SORCS3: variants seen among roughly 807,000 people sequenced by gnomAD.
The protein encoded by SORCS3 is sortilin related VPS10 domain containing receptor 3.
Under a neutral mutation model 146.3 loss-of-function variants are expected in SORCS3, and 57 were observed. That is an observed-to-expected ratio of 0.39 (90% CI 0.31 to 0.49). SORCS3 has a LOEUF of 0.49. Among genes scored for constraint, SORCS3 ranks in the 20% least tolerant of loss-of-function variants. The probability of loss-of-function intolerance (pLI) is 0.92; values close to 1 mark genes in which losing one functional copy is unlikely to be tolerated. For missense variants in SORCS3, 1,341 were observed against 1,575.5 expected, an observed-to-expected ratio of 0.85 and a Z score of 2.52; for synonymous variants, 653 against 618.5, an observed-to-expected ratio of 1.06 and a Z score of -0.83.
intron 25 of SORCS3, among the ~76,000 whole-genome samples, chr10:105,262,046 A>G (rs896803890): frequency 1.3e-5 from 2 of 152,162 alleles, no homozygotes; most frequent in African/African-American, 4.8e-5. Flanking sequence ...GGGTTTTATT[A>G]TCTAACTGCC....
At chr10:105,086,676 G>A (rs1377400231) in intron 5 of SORCS3, among the ~76,000 whole-genome samples, 2 of 152,192 alleles carry the variant, frequency 1.3e-5, no homozygotes, top group Non-Finnish European at 2.9e-5. Context: ...TCAGTATGGT[G>A]CCAATTCTCT....
chr10:104,721,144 A>G (rs1357980384), intron 1 of SORCS3, among the ~76,000 whole-genome samples: 2 of 152,046 alleles, frequency 1.3e-5, no homozygotes, highest in African/African-American at 2.4e-5. Context: ...ATCTTGAATT[A>G]ATTTTTGTAT....
At chr10:105,108,046 T>TTA (rs1564755811) in intron 7 of SORCS3, among the ~76,000 whole-genome samples, 1 of 151,446 alleles carries the variant, frequency 6.6e-6, no homozygotes, top group East Asian at 1.9e-4. Context: ...CTTTCTATCT[T>TTA]TTATCTATCT....
chr10:104,979,965 A>T (rs920251032), intron 4 of SORCS3, among the ~76,000 whole-genome samples: 1 of 152,204 alleles, frequency 6.6e-6, no homozygotes, highest in Non-Finnish European at 1.5e-5. Flanking sequence ...GAGGCAACAG[A>T]CTACTCATAC....
intron 5 of SORCS3, among the ~76,000 whole-genome samples, chr10:105,051,519 T>C (rs1227597438): frequency 6.6e-6 from 1 of 152,110 alleles, no homozygotes; most frequent in Non-Finnish European, 1.5e-5. Flanking sequence ...TCTTAAAGAC[T>C]CAGCTGCCAA....
At chr10:104,881,069 C>A (rs1462935971) in intron 2 of SORCS3, among the ~76,000 whole-genome samples, 1 of 152,160 alleles carries the variant, frequency 6.6e-6, no homozygotes, top group Non-Finnish European at 1.5e-5. Context: ...ATTTATGCAG[C>A]AAAGTATGAA....
chr10:105,228,933 A>C (rs1277539719), intron 20 of SORCS3, among the ~76,000 whole-genome samples: 2 of 152,170 alleles, frequency 1.3e-5, no homozygotes, highest in Non-Finnish European at 2.9e-5. Flanking sequence ...ATTTTGTTAA[A>C]TTGATTTTGT....
At chr10:104,984,511 G>A (rs919755367) in intron 4 of SORCS3, among the ~76,000 whole-genome samples, 1 of 152,022 alleles carries the variant, frequency 6.6e-6, no homozygotes, top group African/African-American at 2.4e-5. Context: ...CAGTTCAGAA[G>A]CTCTAGGCAT....
At chr10:104,711,960 A>G (rs532415291) in intron 1 of SORCS3, among the ~76,000 whole-genome samples, 2 of 152,304 alleles carry the variant, frequency 1.3e-5, no homozygotes, top group African/African-American at 2.4e-5. Flanking sequence ...CATATCTCTC[A>G]TGATGTTTCT....
At chr10:105,017,197 A>G (rs2055173461) in intron 4 of SORCS3, among the ~76,000 whole-genome samples, 1 of 151,672 alleles carries the variant, frequency 6.6e-6, no homozygotes, top group Non-Finnish European at 1.5e-5. Flanking sequence ...GCATGAAATG[A>G]TTATACAATT....
rs1307334133 is a variant in SORCS3, at chr10:105,224,179, C to CCACTATAGTAT, written c.2868+933_2868+943dup. Reference sequence around the variant, plus strand: ...ATAAATGTATAATGACATGAATCTACCACTATAGTATCAAAAAGAAGGGTT... The same window carrying CCACTATAGTAT: ...ATAAATGTATAATGACATGAATCTACCACTATAGTATCACTATAGTATCAAAAAGAAGGGTT... On this transcript the variant is annotated intron_variant, in intron 20 of 26. Coordinates refer to ENST00000369701, the MANE Select transcript of SORCS3 (RefSeq NM_014978.3). Among the ~76,000 whole-genome samples, 13 of 152,288 alleles carry CCACTATAGTAT rather than the reference C, an allele frequency of 8.5e-5. No individual in the cohort carries two copies. The East Asian group carries it at 1.9e-3, about 23-fold the overall frequency.
rs1269190764 is a variant in SORCS3, at chr10:104,737,402, C to A, written c.627+95448C>A. ...TAGTTTACAGTCCCACCAACAGTGT[C>A]AAAGTGTTCCTATTTCTCCACATCC... On this transcript the variant is annotated intron_variant, in intron 1 of 26. Transcript: ENST00000369701. Among the ~76,000 whole-genome samples the A allele has an allele frequency of 2.1e-3, 323 of 152,072 alleles. 2 individuals carry two copies. The highest frequency in any genetic ancestry group is 6.8e-3 in the African/African-American group (281 of 41,454).
chr10:105,069,489 G>T (rs1360521019), intron 5 of SORCS3, among the ~76,000 whole-genome samples: 1 of 152,160 alleles, frequency 6.6e-6, no homozygotes, highest in East Asian at 1.9e-4. Flanking sequence ...ACCTCATAGA[G>T]TTGCTGTAAA....
intron 2 of SORCS3, among the ~76,000 whole-genome samples, chr10:104,881,477 G>C (rs1205182082): frequency 6.6e-6 from 1 of 152,166 alleles, no homozygotes; most frequent in African/African-American, 2.4e-5. Flanking sequence ...CATTTAAATG[G>C]AAATATTCAA....
chr10:104,782,320 C>A (rs113754109), intron 1 of SORCS3, among the ~76,000 whole-genome samples: 2 of 152,068 alleles, frequency 1.3e-5, no homozygotes, highest in Non-Finnish European at 2.9e-5. Flanking sequence ...TTTCAGCTGA[C>A]CTGCTTCCAC....
chr10:104,998,040 A>G (rs2055037896), intron 4 of SORCS3, among the ~76,000 whole-genome samples: 1 of 152,142 alleles, frequency 6.6e-6, no homozygotes, highest in South Asian at 2.1e-4. Context: ...TACCAGTGAA[A>G]GGAACCTACC....
chr10:105,182,403 G>A (rs2056448775), intron 14 of SORCS3, among the ~76,000 whole-genome samples: 1 of 151,874 alleles, frequency 6.6e-6, no homozygotes, highest in Non-Finnish European at 1.5e-5. Context: ...ATAAGAGCAA[G>A]GAATGTGAAT....
chr10:104,773,940 C>G (rs1483469074), intron 1 of SORCS3, among the ~76,000 whole-genome samples: 1 of 152,212 alleles, frequency 6.6e-6, no homozygotes, highest in African/African-American at 2.4e-5. Context: ...TAGACTCTCC[C>G]ACCCTATTCC....
intron 1 of SORCS3, among the ~76,000 whole-genome samples, chr10:104,735,741 G>A (rs1224433380): frequency 6.6e-6 from 1 of 152,014 alleles, no homozygotes; most frequent in African/African-American, 2.4e-5. Context: ...TGAGCATTCC[G>A]ATAAGGATTT....
Sources: allele counts gnomAD v4.1 joint callset (sites outside exome capture counted in the v4.1 genomes callset), GRCh38; gene constraint gnomAD v4.1.1; transcripts MANE v1.5; gene names NCBI Gene and HGNC (gene_info 2026-07-23, HGNC 2026-07-21).